The following PHKA1 variants were observed in gnomAD, a reference collection of about 807,000 sequenced individuals.
PHKA1 encodes phosphorylase b kinase regulatory subunit alpha, skeletal muscle isoform.
Under a neutral mutation model 110.2 loss-of-function variants are expected in PHKA1, and 60 were observed. That is an observed-to-expected ratio of 0.54 (90% CI 0.44 to 0.68). The LOEUF is 0.68. Among genes scored for constraint, PHKA1 ranks in the 30% least tolerant of loss-of-function variants. PHKA1 has a pLI of 0.00. For missense variants in PHKA1, 801 were observed against 942.5 expected (o/e 0.85, Z 1.97); for synonymous variants, 316 against 333.6 (o/e 0.95, Z 0.58).
In PHKA1 at chrX:72,618,744, G is replaced by T. The variant is rs144670958; in HGVS notation, c.2335C>A (p.Gln779Lys). 7.1e-5 allele frequency: 85 copies of T among 1,195,573 alleles called. No homozygotes were observed. The highest frequency in any genetic ancestry group is 7.0e-4 in the Middle Eastern group (3 of 4,315). Residue 779 changes from glutamine to lysine, a missense_variant, in exon 21 of 32, where the codon CAA becomes AAA. By Grantham distance (53) the Gln-to-Lys change is moderately conservative (BLOSUM62 1). Transcript: ENST00000373542. Reference protein sequence around the residue: ...QLKETSSLQEQADILYMLYTM... With the variant: ...QLKETSSLQEKADILYMLYTM... ...TACAGCATATAGAGGATATCAGCTT[G>T]TTCCTGTAAGCTTGAGGTCTCCTTC...
intron 18 of PHKA1, 42 bp downstream of exon 18, chrX:72,623,067 A>G: frequency 1.7e-6 from 2 of 1,206,949 alleles, no homozygotes; most frequent in South Asian, 3.5e-5. Flanking sequence ...AATATTTTGT[A>G]GTTTTGTCCA....
intron 16 of PHKA1, among the ~76,000 whole-genome samples, chrX:72,627,516 A>T (rs1191883965): frequency 8.9e-6 from 1 of 112,473 alleles, no homozygotes; most frequent in East Asian, 2.8e-4. Context: ...GGAAGTAATC[A>T]TACTACATAT....
intron 2 of PHKA1, among the ~76,000 whole-genome samples, chrX:72,708,395 G>A (rs1390485945): frequency 9.0e-6 from 1 of 111,338 alleles, no homozygotes; most frequent in Non-Finnish European, 1.9e-5. Context: ...GGAACTGGGG[G>A]TATAATGGAG....
At chrX:72,681,407 C>A (rs1234302947) in intron 5 of PHKA1, among the ~76,000 whole-genome samples, 1 of 100,220 alleles carries the variant, frequency 1.0e-5, no homozygotes, top group Non-Finnish European at 2.0e-5. Flanking sequence ...GGGGGGTCAG[C>A]CCCCCGCCCG....
chrX:72,697,897 TG>T (rs1430413748), intron 3 of PHKA1, among the ~76,000 whole-genome samples: 1 of 108,334 alleles, frequency 9.2e-6, no homozygotes, highest in Non-Finnish European at 1.9e-5. Flanking sequence ...GGCAGGAGAA[TG>T]GCGTGAACCT....
intron 5 of PHKA1, 82 bp downstream of exon 5, chrX:72,684,416 A>G: frequency 6.3e-6 from 4 of 636,190 alleles, no homozygotes; most frequent in East Asian, 3.5e-5. Context: ...GAGCAGTAGC[A>G]TTAAGAAAAC....
chrX:72,695,811 G>A lies in PHKA1; in HGVS notation c.351C>T (p.Asn117=). 8.3e-7 allele frequency: 1 copy of A among 1,204,539 alleles called. No homozygotes were observed. Among genetic ancestry groups the A allele is most frequent in the Non-Finnish European group, 1.1e-6 (1 of 889,391 alleles). The part of the protein sequence containing the change: ...STKDSLHAKY[N]TKTCATVVGD... ...CCACTACAGTGGCACAGGTTTTGGTGTTGTACTTTGCATGGAGGCTATCCT... is the reference window on the plus strand; with the variant it reads ...CCACTACAGTGGCACAGGTTTTGGTATTGTACTTTGCATGGAGGCTATCCT... The change falls in exon 4 of 32, where the codon AAC becomes AAT. Residue 117 remains asparagine (N), a synonymous_variant. Transcript: ENST00000373542.
At chrX:72,671,762 G>C (rs1485462811) in intron 6 of PHKA1, among the ~76,000 whole-genome samples, 1 of 111,022 alleles carries the variant, frequency 9.0e-6, no homozygotes, top group Admixed American at 9.5e-5. Context: ...GAACAGAACA[G>C]AGCCCTCAGA....
In PHKA1 at chrX:72,697,997, T is replaced by C. The variant is rs782705620; in HGVS notation, c.286-2121A>G. On this transcript the variant is annotated intron_variant, in intron 3 of 31. Coordinates refer to ENST00000373542, the MANE Select transcript of PHKA1 (RefSeq NM_002637.4). ...AGACTCTGTCTCAAAAAAAAAAAAA[T>C]TTTTTTTAAGTGCACTGTAAAAGCA... 4.7e-3 allele frequency among the ~76,000 whole-genome samples: 484 copies of C among 102,682 alleles called. 3 individuals carry two copies. Among genetic ancestry groups the C allele is most frequent in the African/African-American group, 0.017 (466 of 27,704 alleles). 89.2% of individuals were successfully genotyped at this position (102,682 alleles called of 115,157 possible).
At chrX:72,696,980 G>C (rs1456146523) in intron 3 of PHKA1, among the ~76,000 whole-genome samples, 1 of 111,534 alleles carries the variant, frequency 9.0e-6, no homozygotes, top group Admixed American at 9.5e-5. Flanking sequence ...ATTTGGTTGA[G>C]ATCTAAAGCT....
intron 1 of PHKA1, 51 bp downstream of exon 1, chrX:72,713,752 T>C: frequency 3.0e-6 from 3 of 1,007,751 alleles, no homozygotes; most frequent in South Asian, 3.8e-5. Flanking sequence ...GTCCAAGCTA[T>C]GACAAGCTAC....
chrX:72,688,814 G>A (rs782287362), intron 4 of PHKA1: 1 of 112,301 alleles, frequency 8.9e-6, no homozygotes, highest in East Asian at 2.8e-4. Context: ...AGTATCTCAC[G>A]TAGTATTCTG....
intron 21 of PHKA1, among the ~76,000 whole-genome samples, chrX:72,616,493 T>G (rs2052899812): frequency 8.9e-6 from 1 of 112,176 alleles, no homozygotes; most frequent in Non-Finnish European, 1.9e-5. Flanking sequence ...TTGGAGCACC[T>G]AAGTATATAA....
chrX:72,591,183 C>T (rs782353955), intron 29 of PHKA1, among the ~76,000 whole-genome samples: 1 of 112,124 alleles, frequency 8.9e-6, no homozygotes, highest in Admixed American at 9.4e-5. Flanking sequence ...CAATGATAGA[C>T]TGGATTAAGA....
At chrX:72,647,218 G>A in intron 13 of PHKA1, among the ~76,000 whole-genome samples, 1 of 111,505 alleles carries the variant, frequency 9.0e-6, no homozygotes, top group East Asian at 2.8e-4. Flanking sequence ...GGAGAAAACT[G>A]GATGGATCTC....
In PHKA1 at chrX:72,714,180, T is replaced by A. The variant is rs1255648525; in HGVS notation, c.-300A>T. ...CCCTTAGTCCAGTCCGGCCTCCGCG[T>A]GTGACTCCTGCATCCTCCCCTCAAC... On this transcript the variant is annotated 5_prime_UTR_variant, in exon 1 of 32. Coordinates refer to ENST00000373542, the MANE Select transcript of PHKA1 (RefSeq NM_002637.4). 28 of 319,086 alleles carry A rather than the reference T, an allele frequency of 8.8e-5. No homozygotes were observed. Among genetic ancestry groups the A allele is most frequent in the Non-Finnish European group, 7.3e-5 (13 of 177,820 alleles). The allele number at this position is 319,086 out of a possible 1,213,427, so 26.3% of individuals were successfully genotyped here.
At chrX:72,646,972 A>G (rs1045690885) in intron 13 of PHKA1, among the ~76,000 whole-genome samples, 1 of 109,921 alleles carries the variant, frequency 9.1e-6, no homozygotes, top group African/African-American at 3.3e-5. Flanking sequence ...TTCTACTAAA[A>G]ATAAAAAAAA....
At chrX:72,590,088 A>G (rs982166791) in intron 29 of PHKA1, among the ~76,000 whole-genome samples, 1 of 111,909 alleles carries the variant, frequency 8.9e-6, no homozygotes, top group African/African-American at 3.3e-5. Context: ...TAAAGTTCAT[A>G]TGGAACCAAA....
intron 6 of PHKA1, 44 bp from the exon 7 acceptor site, chrX:72,667,517 G>T (rs782254341): frequency 3.1e-6 from 3 of 982,835 alleles, no homozygotes; most frequent in Admixed American, 4.5e-5. Context: ...GCATTAGAAA[G>T]ATATATATTT....
Sources: gnomAD v4.1 joint callset for allele counts (sites outside exome capture counted in the v4.1 genomes callset) on GRCh38, gnomAD v4.1.1 for gene constraint, MANE v1.5 for transcripts, NCBI Gene and HGNC (gene_info 2026-07-23, HGNC 2026-07-21) for gene names.